Variants in SPAG17 observed in about 807,000 individuals in gnomAD.
SPAG17 encodes the protein sperm associated antigen 17, also known as sperm-associated antigen 17.
SPAG17 carries 169 observed loss-of-function variants against 273.6 expected under a neutral mutation model. The observed-to-expected ratio is 0.62, with a 90% CI of 0.55 to 0.70. The LOEUF is 0.70. Ranked by LOEUF, SPAG17 falls within the 30% of genes least tolerant of loss-of-function variation. The probability of loss-of-function intolerance (pLI) is 0.00; values close to 1 mark genes in which losing one functional copy is unlikely to be tolerated. For missense variants in SPAG17, 2,557 were observed against 2,627.8 expected (o/e 0.97, Z 0.59); for synonymous variants, 825 against 873.2 (o/e 0.94, Z 0.97).
At chr1:117,990,772 T>C in intron 38 of SPAG17, 89 bp downstream of exon 38, 1 of 805,328 alleles carries the variant, frequency 1.2e-6, no homozygotes, top group Non-Finnish European at 2.0e-6. Context: ...TGTCTTGTTA[T>C]CAGATAAGAG....
Position 118,023,288 on chromosome 1 carries a change from A to C in SPAG17, c.4069+16T>G. On this transcript the variant is annotated intron_variant, in intron 28 of 48. Transcript: ENST00000336338. ...TTTACTAAATCCATAATAAACTGAG[A>C]GGCTTCAATTGTTACCTTTCTTTGT... 1.0e-5 allele frequency: 16 copies of C among 1,598,718 alleles called. No homozygotes were observed. Among genetic ancestry groups the C allele is most frequent in the Non-Finnish European group, 1.3e-5 (15 of 1,171,570 alleles).
At chr1:118,170,911 G>T (rs191433574) in intron 1 of SPAG17, among the ~76,000 whole-genome samples, 106 of 152,298 alleles carry the variant, frequency 7.0e-4, no homozygotes, top group Middle Eastern at 3.4e-3. Context: ...AAGCAGGCAG[G>T]CTAATTAGAC....
rs1207039170 is a variant in SPAG17 at position 117,953,596 on chromosome 1, G to A, written c.*454C>T. 2 of 1,571,718 alleles carry A rather than the reference G, an allele frequency of 1.3e-6. No homozygotes were observed. The highest frequency in any genetic ancestry group is 2.3e-5 in the East Asian group (1 of 44,158). On this transcript the variant is annotated 3_prime_UTR_variant, in exon 49 of 49. Transcript: ENST00000336338. The stretch of plus-strand genomic sequence containing the variant: ...TTTTTAATAAGATCTCAACTTTTTA[G>A]TAAAAGTTTTATTCTGTATCAACCA...
intron 43 of SPAG17, among the ~76,000 whole-genome samples, chr1:117,979,167 C>T (rs1365947017): frequency 6.6e-6 from 1 of 152,158 alleles, no homozygotes; most frequent in African/African-American, 2.4e-5. Flanking sequence ...CCGCGCCTGG[C>T]CTACTGGCGT....
At chr1:118,061,408 G>A (rs1652278143) in intron 18 of SPAG17, among the ~76,000 whole-genome samples, 2 of 152,164 alleles carry the variant, frequency 1.3e-5, no homozygotes, top group African/African-American at 4.8e-5. Context: ...AAACCTAGAG[G>A]ATATTATGCT....
chr1:118,107,714 T>C (rs535988990), intron 4 of SPAG17, among the ~76,000 whole-genome samples: 13 of 152,008 alleles, frequency 8.6e-5, no homozygotes, highest in Admixed American at 4.6e-4. Flanking sequence ...TGTAAATAAC[T>C]TTTTCTTATA....
chr1:118,058,926 C>A (rs1052037688), intron 18 of SPAG17, among the ~76,000 whole-genome samples: 1 of 152,248 alleles, frequency 6.6e-6, no homozygotes, highest in Admixed American at 6.5e-5. Context: ...TAAATTTGCA[C>A]ACACATGCTA....
At chr1:118,097,922 T>A in intron 6 of SPAG17, 71 bp from the exon 7 acceptor site, 1 of 1,021,092 alleles carries the variant, frequency 9.8e-7, no homozygotes, top group Non-Finnish European at 1.4e-6. Context: ...GTGAACATGG[T>A]GAGTCATATG....
intron 24 of SPAG17, among the ~76,000 whole-genome samples, chr1:118,032,624 T>C (rs186445567): frequency 4.7e-4 from 71 of 152,114 alleles, no homozygotes; most frequent in African/African-American, 1.5e-3. Flanking sequence ...AGACAGAGTG[T>C]CACTCTGTCA....
chr1:118,157,635 A>G (rs1053462829), intron 1 of SPAG17, among the ~76,000 whole-genome samples: 1 of 152,198 alleles, frequency 6.6e-6, no homozygotes, highest in Non-Finnish European at 1.5e-5. Context: ...CCCTTGAAGA[A>G]GCATGGGTCA....
At chr1:118,132,441 T>C (rs1187872585) in intron 3 of SPAG17, among the ~76,000 whole-genome samples, 3 of 152,168 alleles carry the variant, frequency 2.0e-5, no homozygotes, top group African/African-American at 7.2e-5. Context: ...CACGATCAGA[T>C]ATATAATCTC....
At chr1:118,069,054 T>C (rs1268503633) in intron 17 of SPAG17, among the ~76,000 whole-genome samples, 1 of 151,992 alleles carries the variant, frequency 6.6e-6, no homozygotes, top group African/African-American at 2.4e-5. Context: ...GTGGTAGTCA[T>C]ATAAAAGTAG....
At chr1:118,151,533 G>A (rs901869821) in intron 1 of SPAG17, among the ~76,000 whole-genome samples, 164 bp from the exon 2 acceptor site, 4 of 152,244 alleles carry the variant, frequency 2.6e-5, no homozygotes, top group East Asian at 3.8e-4. Flanking sequence ...GCCGCAAGGC[G>A]GCAGTATTGT....
intron 13 of SPAG17, among the ~76,000 whole-genome samples, chr1:118,082,219 T>G (rs1300777050): frequency 1.3e-5 from 2 of 152,210 alleles, no homozygotes; most frequent in Non-Finnish European, 2.9e-5. Flanking sequence ...GCTCACTCTT[T>G]CATTGGTTAT....
In SPAG17 at chr1:117,988,133, C is replaced by G; in HGVS notation, c.5593G>C (p.Gly1865Arg). 6.2e-7 allele frequency: 1 copy of G among 1,607,038 alleles called. No homozygotes were observed. The highest frequency in any genetic ancestry group is 8.5e-7 in the Non-Finnish European group (1 of 1,178,016). Reference sequence around the variant, plus strand: ...CATGTCTTTTCAAAGAAATCTTTACCAAATGTGTCTGGTGGGCATTTTGGA... The same window carrying G: ...CATGTCTTTTCAAAGAAATCTTTACGAAATGTGTCTGGTGGGCATTTTGGA... ...TPPKCPPDTF[G>R]KDFFEKTWRH... The change falls in exon 39 of 49, where the codon GGT becomes CGT. Residue 1865 changes from glycine (G) to arginine (R), a missense_variant. Coordinates refer to ENST00000336338, the MANE Select transcript of SPAG17 (RefSeq NM_206996.4).
At chr1:118,023,530 T>C in intron 27 of SPAG17, 67 bp from the exon 28 acceptor site, 2 of 1,483,520 alleles carry the variant, frequency 1.3e-6, no homozygotes, top group South Asian at 1.3e-5. Flanking sequence ...CAATAAACGC[T>C]GTGTGTCAAA....
intron 3 of SPAG17, among the ~76,000 whole-genome samples, chr1:118,120,438 T>C (rs1453360571): frequency 6.6e-6 from 1 of 152,192 alleles, no homozygotes; most frequent in Non-Finnish European, 1.5e-5. Context: ...ATAATATTCA[T>C]TTAATCATCC....
chr1:118,086,128 A>C, intron 12 of SPAG17, 56 bp from the exon 13 acceptor site: 2 of 1,503,952 alleles, frequency 1.3e-6, no homozygotes, highest in Non-Finnish European at 1.8e-6. Context: ...TAAGTGCCTT[A>C]TGCATATGGA....
intron 42 of SPAG17, among the ~76,000 whole-genome samples, chr1:117,983,034 CAT>C (rs1656008968): frequency 6.6e-6 from 1 of 152,226 alleles, no homozygotes; most frequent in South Asian, 2.1e-4. Flanking sequence ...CTTATAAAGA[CAT>C]ATCCAAGACT....
Sources: allele counts gnomAD v4.1 joint callset (sites outside exome capture counted in the v4.1 genomes callset), GRCh38; gene constraint gnomAD v4.1.1; transcripts MANE v1.5; gene names NCBI Gene and HGNC (gene_info 2026-07-23, HGNC 2026-07-21).